The following WDR20 variants were observed in gnomAD, a reference collection of about 807,000 sequenced individuals.
WDR20 encodes WD repeat domain 20, also known as WD repeat-containing protein 20.
In WDR20, 3 loss-of-function variants were observed where a neutral mutation model predicts 38.7. The ratio of observed to expected loss-of-function variants is 0.08; its 90% confidence interval spans 0.04 to 0.20. WDR20 has a LOEUF of 0.20. Ranked by LOEUF, WDR20 falls within the 10% of genes least tolerant of loss-of-function variation. The pLI is 1.00. For missense variants in WDR20, 559 were observed against 727.7 expected (o/e 0.77, Z 2.67); for synonymous variants, 298 against 285.6 (o/e 1.04, Z -0.44).
intron 2 of WDR20, among the ~76,000 whole-genome samples, chr14:102,206,418 C>G (rs2061549307): frequency 6.6e-6 from 1 of 152,178 alleles, no homozygotes; most frequent in Admixed American, 6.5e-5. Flanking sequence ...TTTACTTGAT[C>G]ATACTAGTTT....
At chr14:102,200,465 T>TGTGTGTG (rs1555400497) in intron 2 of WDR20, among the ~76,000 whole-genome samples, 45 of 98,678 alleles carry the variant, frequency 4.6e-4, no homozygotes, top group South Asian at 1.1e-3. Flanking sequence ...AAATTTTTTT[T>TGTGTGTG]TTTGTGTGTG....
chr14:102,203,207 TAC>T (rs1338219894), intron 2 of WDR20, among the ~76,000 whole-genome samples: 2 of 152,156 alleles, frequency 1.3e-5, no homozygotes. Flanking sequence ...CCAGTAGAAA[TAC>T]AGTGCCAGCC....
intron 2 of WDR20, among the ~76,000 whole-genome samples, chr14:102,204,820 A>G (rs1292646789): frequency 4.6e-5 from 7 of 152,208 alleles, no homozygotes; most frequent in African/African-American, 1.7e-4. Context: ...GTGCAAGGGC[A>G]TTCATTGCTA....
At chr14:102,190,424 C>CAAAAACA (rs1405223309) in intron 1 of WDR20, among the ~76,000 whole-genome samples, 1 of 151,346 alleles carries the variant, frequency 6.6e-6, no homozygotes, top group South Asian at 2.1e-4. Context: ...AACAAACAAA[C>CAAAAACA]AAAAACAAAA....
At position 102,208,509 on chromosome 14, in the gene WDR20, C is replaced by G. The variant is rs1443728852; in HGVS notation, c.433-94C>G. ...TGTGGAGGGCCTGGATAGACTTGCCCCTTCCCATCGAGAAGCACACAAGTT... is the reference window on the plus strand; with the variant it reads ...TGTGGAGGGCCTGGATAGACTTGCCGCTTCCCATCGAGAAGCACACAAGTT... On this transcript the variant is annotated intron_variant, in intron 2 of 2. Coordinates refer to ENST00000342702, the MANE Select transcript of WDR20 (RefSeq NM_144574.4). This position sits in a 1 kb window ranked among gnomAD's most constrained non-coding sequence, Gnocchi z 5.6. 21 of 1,471,738 alleles carry G rather than the reference C, an allele frequency of 1.4e-5. No individual in the cohort carries two copies. The highest frequency in any genetic ancestry group is 1.8e-5 in the Non-Finnish European group (20 of 1,110,548). 91.2% of individuals were successfully genotyped at this position (1,471,738 alleles called of 1,614,324 possible).
upstream of WDR20, chr14:102,139,577 C>T (rs1179655146): frequency 6.9e-6 from 5 of 723,090 alleles, no homozygotes; most frequent in Non-Finnish European, 1.1e-5. Context: ...CCGCGGTTCC[C>T]CCTGACCGGC....
Position 102,204,443 on chromosome 14 carries a change from T to G in WDR20, c.433-4160T>G, listed in dbSNP as rs182998116. On this transcript the variant is annotated intron_variant, in intron 2 of 2. Transcript: ENST00000342702. ...GGTTTATTTTTCTCCACAGCACTTA[T>G]CATCATCAGATCACATAAATTTCAC... Among the ~76,000 whole-genome samples, 192 of 152,334 alleles carry G rather than the reference T, an allele frequency of 1.3e-3. 1 individual carries two copies. Among genetic ancestry groups the G allele is most frequent in the Admixed American group, 2.2e-3 (33 of 15,292 alleles).
chr14:102,176,054 CTT>C (rs1176668775), intron 1 of WDR20, among the ~76,000 whole-genome samples: 1 of 152,104 alleles, frequency 6.6e-6, no homozygotes, highest in Non-Finnish European at 1.5e-5. Flanking sequence ...TTTCTTTTCT[CTT>C]GTCTGATTGC....
At chr14:102,171,020 G>T (rs1179002109) in intron 1 of WDR20, among the ~76,000 whole-genome samples, 1 of 151,914 alleles carries the variant, frequency 6.6e-6, no homozygotes, top group Non-Finnish European at 1.5e-5. Context: ...AGAGTGCAGT[G>T]GCGCGATCTC....
intron 1 of WDR20, among the ~76,000 whole-genome samples, chr14:102,194,357 G>A (rs1490393527): frequency 1.3e-5 from 2 of 152,192 alleles, no homozygotes; most frequent in Non-Finnish European, 2.9e-5. Context: ...GACTTGAGCG[G>A]GCATCAGAAT....
chr14:102,139,704 A>T (rs2050221834), upstream of WDR20: 1 of 700,104 alleles, frequency 1.4e-6, no homozygotes, highest in Middle Eastern at 4.0e-4. Flanking sequence ...GAGCCTGCGG[A>T]CGCCCAGTCG....
chr14:102,213,808 C>G (rs1313664003), downstream of WDR20: 3 of 985,256 alleles, frequency 3.0e-6, no homozygotes, highest in South Asian at 1.4e-4. Flanking sequence ...CTTTGTTGAG[C>G]GAGCTCAAAG....
Position 102,209,398 on chromosome 14 carries a change from C to G in WDR20, c.1228C>G (p.Pro410Ala). The G allele has an allele frequency of 6.2e-7, 1 of 1,614,164 alleles. No individual in the cohort carries two copies. Among genetic ancestry groups the G allele is most frequent in the Non-Finnish European group, 8.5e-7 (1 of 1,180,036 alleles). Reference protein sequence around the residue: ...HTNVMNATSPPAGSNGNSVTT... With the variant: ...HTNVMNATSPAAGSNGNSVTT... ...AAATGTCATGAATGCCACGAGTCCT[C>G]CTGCTGGAAGCAATGGGAACAGTGT... The change falls in exon 3 of 3, where the codon CCT becomes GCT. Residue 410 changes from proline to alanine, a missense_variant. Pro to Ala is a conservative substitution (Grantham distance 27). Transcript: ENST00000342702. The surrounding 1 kb of genome is among the most constrained non-coding windows in gnomAD (Gnocchi z 6.0).
At chr14:102,175,424 C>T (rs1195020719) in intron 1 of WDR20, among the ~76,000 whole-genome samples, 1 of 152,094 alleles carries the variant, frequency 6.6e-6, no homozygotes, top group Non-Finnish European at 1.5e-5. Context: ...TGTTTTTATA[C>T]CAGTACTATG....
At position 102,209,992 on chromosome 14, in the gene WDR20, A is replaced by G. The variant is rs1308592833; in HGVS notation, c.*112A>G. ...CTTCTTATTCTTAATGTAAATCTCAATGCATCAGAGCCATAATTTTGGATA... is the reference window on the plus strand; with the variant it reads ...CTTCTTATTCTTAATGTAAATCTCAGTGCATCAGAGCCATAATTTTGGATA... On this transcript the variant is annotated 3_prime_UTR_variant, in exon 3 of 3. Coordinates refer to ENST00000342702, the MANE Select transcript of WDR20 (RefSeq NM_144574.4). The surrounding 1 kb of genome is among the most constrained non-coding windows in gnomAD (Gnocchi z 6.0). 11 of 1,472,194 alleles carry G rather than the reference A, an allele frequency of 7.5e-6. No individual in the cohort carries two copies. In the African/African-American group the frequency reaches 9.9e-5, roughly 13 times the overall value. The allele number at this position is 1,472,194 out of a possible 1,614,324, so 91.2% of individuals were successfully genotyped here.
chr14:102,190,469 T>A (rs2066055563), intron 1 of WDR20, among the ~76,000 whole-genome samples: 1 of 152,044 alleles, frequency 6.6e-6, no homozygotes, highest in South Asian at 2.1e-4. Flanking sequence ...GGCAGGCGCC[T>A]TTAATCCCAG....
chr14:102,182,616 A>T (rs914142606), intron 1 of WDR20, among the ~76,000 whole-genome samples: 1 of 152,168 alleles, frequency 6.6e-6, no homozygotes, highest in Non-Finnish European at 1.5e-5. Context: ...CTGTGACCCT[A>T]ATACCAAGCA....
rs1027956136 is a variant in WDR20 at position 102,208,322 on chromosome 14, G to A, written c.433-281G>A. ...TCCCTCCGCAGTGAACCCTGTGCCT[G>A]GCATCGTGTCTGGCACTTAGTGGCC... On this transcript the variant is annotated intron_variant, in intron 2 of 2. Transcript: ENST00000342702. The surrounding 1 kb of genome is among the most constrained non-coding windows in gnomAD (Gnocchi z 5.6). Among the ~76,000 whole-genome samples the A allele has an allele frequency of 1.3e-5, 2 of 152,234 alleles. No individual in the cohort carries two copies. Among genetic ancestry groups the A allele is most frequent in the Non-Finnish European group, 2.9e-5 (2 of 68,034 alleles).
chr14:102,208,535 T>G lies in WDR20; in HGVS notation c.433-68T>G. 3.3e-6 allele frequency: 5 copies of G among 1,517,884 alleles called. No homozygotes were observed. Among genetic ancestry groups the G allele is most frequent in the Non-Finnish European group, 4.4e-6 (5 of 1,134,776 alleles). The allele number at this position is 1,517,884 out of a possible 1,614,324, so 94.0% of individuals were successfully genotyped here. A position where few individuals can be genotyped will look rare whatever the true frequency, so the allele number is the denominator to read the frequency against. On this transcript the variant is annotated intron_variant, in intron 2 of 2. Coordinates refer to ENST00000342702, the MANE Select transcript of WDR20 (RefSeq NM_144574.4). This position sits in a 1 kb window ranked among gnomAD's most constrained non-coding sequence, Gnocchi z 5.6. ...CTTCCCATCGAGAAGCACACAAGTT[T>G]TCTTGCTGGAAAAGTAGACCTTTGA...
Sources: allele counts gnomAD v4.1 joint callset (sites outside exome capture counted in the v4.1 genomes callset), GRCh38; gene constraint gnomAD v4.1.1; non-coding constraint Gnocchi (gnomAD v3.1); transcripts MANE v1.5; gene names NCBI Gene and HGNC (gene_info 2026-07-23, HGNC 2026-07-21).